The following APLF variants were observed in gnomAD, a reference collection of about 807,000 sequenced individuals.
APLF encodes aprataxin and PNKP like factor.
Under a neutral mutation model 55.6 loss-of-function variants are expected in APLF, and 61 were observed. That is an observed-to-expected ratio of 1.10 (90% CI 0.89 to 1.36). APLF has a LOEUF of 1.36. Among genes scored for constraint, APLF ranks in the 40% most tolerant of loss-of-function variants. The probability of loss-of-function intolerance (pLI) is 0.00; values close to 1 mark genes in which losing one functional copy is unlikely to be tolerated. For synonymous variants in APLF, 207 were observed against 214.8 expected (o/e 0.96, Z 0.32); for missense variants, 611 against 602.5 (o/e 1.01, Z -0.15).
Position 68,579,115 on chromosome 2 carries a change from T to C in APLF, c.*1093T>C. On this transcript the variant is annotated 3_prime_UTR_variant, in exon 10 of 10. Coordinates refer to ENST00000303795, the MANE Select transcript of APLF (RefSeq NM_173545.3). ...AGAATCTTTGTTAAATGCTATTATT[T>C]TCTACTCTAAAGGAACCTAAAAATT... 1 of 954,386 alleles carries C rather than the reference T, an allele frequency of 1.0e-6. No homozygotes were observed. Among genetic ancestry groups the C allele is most frequent in the Non-Finnish European group, 1.2e-6 (1 of 801,936 alleles). 59.1% of individuals were successfully genotyped at this position (954,386 alleles called of 1,614,324 possible).
chr2:68,552,215 A>G (rs753076444), intron 8 of APLF, among the ~76,000 whole-genome samples: 2 of 152,092 alleles, frequency 1.3e-5, no homozygotes, highest in African/African-American at 2.4e-5. Context: ...CTTGAGCTGG[A>G]TATTTCACAT....
intron 8 of APLF, among the ~76,000 whole-genome samples, chr2:68,545,740 C>T (rs1670686066): frequency 6.6e-6 from 1 of 152,168 alleles, no homozygotes; most frequent in Non-Finnish European, 1.5e-5. Context: ...AGTAAGAATA[C>T]TTCTCCTCTC....
chr2:68,526,475 T>A (rs1474317237), intron 6 of APLF, among the ~76,000 whole-genome samples: 1 of 152,158 alleles, frequency 6.6e-6, no homozygotes, highest in African/African-American at 2.4e-5. Context: ...GAGCAGTGGG[T>A]TCTGGTGGAG....
intron 2 of APLF, among the ~76,000 whole-genome samples, chr2:68,495,704 C>T (rs1477128946): frequency 2.6e-5 from 4 of 152,236 alleles, no homozygotes; most frequent in Non-Finnish European, 4.4e-5. Flanking sequence ...AAGGGATTTG[C>T]CGCTGCAGCA....
At chr2:68,555,084 T>C (rs1275238405) in intron 8 of APLF, among the ~76,000 whole-genome samples, 1 of 152,094 alleles carries the variant, frequency 6.6e-6, no homozygotes. Context: ...CAACAAATGG[T>C]GCATGAATAA....
chr2:68,507,460 T>C (rs1434877060), intron 3 of APLF, among the ~76,000 whole-genome samples: 1 of 152,018 alleles, frequency 6.6e-6, no homozygotes, highest in Admixed American at 6.6e-5. Flanking sequence ...TTTAAGTCTA[T>C]AGATGTCAGT....
chr2:68,542,940 A>C (rs773546790), intron 7 of APLF, among the ~76,000 whole-genome samples: 1 of 152,218 alleles, frequency 6.6e-6, no homozygotes, highest in Non-Finnish European at 1.5e-5. Context: ...TGGTATATAC[A>C]TATGATGGAA....
intron 7 of APLF, among the ~76,000 whole-genome samples, chr2:68,540,771 C>T (rs189983146): frequency 9.4e-5 from 14 of 148,402 alleles, no homozygotes; most frequent in South Asian, 4.2e-4. Flanking sequence ...TATGTGCATG[C>T]GTGTGTGTGT....
chr2:68,508,173 AAAAG>A (rs1338834849), intron 3 of APLF, among the ~76,000 whole-genome samples: 3 of 151,904 alleles, frequency 2.0e-5, no homozygotes, highest in Non-Finnish European at 2.9e-5. Context: ...ATCTTAGAAA[AAAAG>A]AAAAGAGTTG....
chr2:68,517,660 G>A (rs930593090), intron 5 of APLF, among the ~76,000 whole-genome samples: 21 of 143,490 alleles, frequency 1.5e-4, no homozygotes, highest in Non-Finnish European at 2.4e-4. Flanking sequence ...TGTTATTAAC[G>A]TAACAATAAT....
At chr2:68,534,017 AAT>A (rs1670325687) in intron 6 of APLF, among the ~76,000 whole-genome samples, 1 of 152,212 alleles carries the variant, frequency 6.6e-6, no homozygotes, top group Non-Finnish European at 1.5e-5. Flanking sequence ...AAAGTGAAGA[AAT>A]AGAGAATCTA....
intron 1 of APLF, among the ~76,000 whole-genome samples, chr2:68,483,410 T>C (rs1676026758): frequency 6.6e-6 from 1 of 152,188 alleles, no homozygotes; most frequent in Admixed American, 6.5e-5. Context: ...GCAGGGTGCC[T>C]TGCACCTCTT....
At chr2:68,510,776 T>G (rs540005804) in intron 3 of APLF, among the ~76,000 whole-genome samples, 25 of 151,992 alleles carry the variant, frequency 1.6e-4, no homozygotes, top group African/African-American at 5.3e-4. Context: ...ATAACTCAGC[T>G]GTCCAGCAAC....
intron 1 of APLF, among the ~76,000 whole-genome samples, chr2:68,481,401 T>C (rs937830866): frequency 6.6e-6 from 1 of 152,134 alleles, no homozygotes; most frequent in Non-Finnish European, 1.5e-5. Context: ...TGTTTGTTTG[T>C]TTTTTCCTTT....
chr2:68,485,287 C>T (rs910850255), intron 1 of APLF, among the ~76,000 whole-genome samples: 6 of 152,210 alleles, frequency 3.9e-5, no homozygotes, highest in African/African-American at 1.4e-4. Flanking sequence ...ATCAGTGCTT[C>T]TGTGAGTCCA....
At chr2:68,527,664 G>A (rs1026947568) in intron 6 of APLF, among the ~76,000 whole-genome samples, 10 of 149,636 alleles carry the variant, frequency 6.7e-5, no homozygotes, top group East Asian at 4.0e-4. Context: ...ACAGGGCGGC[G>A]GCCTGGCAGA....
chr2:68,516,047 A>G (rs907949127), intron 5 of APLF, among the ~76,000 whole-genome samples: 4 of 151,810 alleles, frequency 2.6e-5, no homozygotes, highest in African/African-American at 7.2e-5. Context: ...CTTTAGGACC[A>G]TAACTGTGGT....
intron 9 of APLF, among the ~76,000 whole-genome samples, chr2:68,569,633 A>T (rs984698081): frequency 6.7e-6 from 1 of 149,250 alleles, no homozygotes; most frequent in African/African-American, 2.5e-5. Flanking sequence ...ACCAAAATCA[A>T]GCTGGTGAAT....
chr2:68,503,038 G>A (rs1676770754), intron 3 of APLF, 135 bp downstream of exon 3: 1 of 856,768 alleles, frequency 1.2e-6, no homozygotes, highest in East Asian at 2.9e-5. Flanking sequence ...GTGTACGCAT[G>A]TGTGTGTGCA....
Sources: gnomAD v4.1 joint callset for allele counts (sites outside exome capture counted in the v4.1 genomes callset) on GRCh38, gnomAD v4.1.1 for gene constraint, MANE v1.5 for transcripts, NCBI Gene and HGNC (gene_info 2026-07-23, HGNC 2026-07-21) for gene names.